Variants in DGKD observed in about 807,000 individuals in gnomAD.
DGKD encodes diacylglycerol kinase delta.
In DGKD, 68 loss-of-function variants were observed where a neutral mutation model predicts 154.4. The ratio of observed to expected loss-of-function variants is 0.44; its 90% CI spans 0.36 to 0.54. The LOEUF (loss-of-function observed/expected upper bound fraction) is 0.54. DGKD is among the 20% of genes least tolerant of loss of function. The probability of loss-of-function intolerance (pLI) is 0.00; values close to 1 mark genes in which losing one functional copy is unlikely to be tolerated. For synonymous variants in DGKD, 693 were observed against 638.0 expected (o/e 1.09, Z -1.30); for missense variants, 1,343 against 1,593.6 (o/e 0.84, Z 2.68).
intron 3 of DGKD, among the ~76,000 whole-genome samples, chr2:233,398,955 G>C (rs1446877834): frequency 6.6e-6 from 1 of 152,080 alleles, no homozygotes; most frequent in East Asian, 1.9e-4. Flanking sequence ...CTAGAGCTGT[G>C]GAACACTACA....
intron 5 of DGKD, among the ~76,000 whole-genome samples, chr2:233,435,217 G>A (rs931062933): frequency 3.9e-5 from 6 of 152,284 alleles, no homozygotes; most frequent in Middle Eastern, 3.4e-3. Context: ...CTCTGCAGCC[G>A]GGGAAACGGG....
At chr2:233,366,733 G>A (rs917927869) in intron 1 of DGKD, among the ~76,000 whole-genome samples, 13 of 152,212 alleles carry the variant, frequency 8.5e-5, no homozygotes, top group Admixed American at 3.3e-4. Flanking sequence ...AGTGAGGATG[G>A]TTCATCTGAG....
intron 3 of DGKD, chr2:233,429,093 T>C: frequency 3.1e-6 from 3 of 982,060 alleles, no homozygotes; most frequent in Non-Finnish European, 3.6e-6. Flanking sequence ...GCAATTCTAG[T>C]ACACCCTCTC....
At position 233,437,453 on chromosome 2, in the gene DGKD, C is replaced by T. The variant is rs758673209; in HGVS notation, c.896C>T (p.Thr299Met). Residue 299 changes from threonine to methionine, a missense_variant, in exon 8 of 30, where the codon ACG becomes ATG. Coordinates refer to ENST00000264057, the MANE Select transcript of DGKD (RefSeq NM_152879.3). Reference protein sequence around the residue: ...GLCKVSVIPPTALNSIDSDGF... With the variant: ...GLCKVSVIPPMALNSIDSDGF... ...TGCAAAGTGTCAGTCATCCCACCCA[C>T]GGCTCTCAACAGCATCGACTCCGAT... 8 of 1,614,116 alleles carry T rather than the reference C, an allele frequency of 5.0e-6. No homozygotes were observed. The highest frequency in any genetic ancestry group is 2.7e-5 in the African/African-American group (2 of 74,948).
At position 233,458,923 on chromosome 2, in the gene DGKD, C is replaced by A. The variant is rs971197122; in HGVS notation, c.2694+526C>A. Among the ~76,000 whole-genome samples, 2 of 152,180 alleles carry A rather than the reference C, an allele frequency of 1.3e-5. No homozygotes were observed. The highest frequency in any genetic ancestry group is 4.8e-5 in the African/African-American group (2 of 41,452). On this transcript the variant is annotated intron_variant, in intron 22 of 29. Coordinates refer to ENST00000264057, the MANE Select transcript of DGKD (RefSeq NM_152879.3). This position sits in a 1 kb window ranked among gnomAD's most constrained non-coding sequence, Gnocchi z 6.6. The stretch of plus-strand genomic sequence containing the variant: ...TAACTCTTTCAAAATGTGTATCCTG[C>A]TTGAACCACAGCCTTGCCTGTCCCC...
chr2:233,458,655 A>T lies in DGKD; in HGVS notation c.2694+258A>T, dbSNP rs187476261. ...GAGACAGAGTCTTGCTCTGTTGCCCAGGCTGGAGTGCAGTGGTGCAATCTC... is the reference window on the plus strand; with the variant it reads ...GAGACAGAGTCTTGCTCTGTTGCCCTGGCTGGAGTGCAGTGGTGCAATCTC... On this transcript the variant is annotated intron_variant, in intron 22 of 29. Transcript: ENST00000264057. The surrounding 1 kb of genome is among the most constrained non-coding windows in gnomAD (Gnocchi z 6.6). Among the ~76,000 whole-genome samples the T allele has an allele frequency of 6.8e-6, 1 of 146,630 alleles. No homozygotes were observed. Among genetic ancestry groups the T allele is most frequent in the African/African-American group, 2.5e-5 (1 of 39,522 alleles).
rs923093521 is a variant in DGKD, at chr2:233,449,431, C to T, written c.1888+55C>T. ...TCCTCAGGCCAGCACTGGGCATGCC[C>T]AGCGTCCCCTGAACACGGAGATGAC... is the stretch of plus-strand genomic sequence containing the variant. On this transcript the variant is annotated intron_variant, in intron 15 of 29. Coordinates refer to ENST00000264057, the MANE Select transcript of DGKD (RefSeq NM_152879.3). This position sits in a 1 kb window ranked among gnomAD's most constrained non-coding sequence, Gnocchi z 5.3. The T allele has an allele frequency of 3.2e-6, 5 of 1,542,994 alleles. No individual in the cohort carries two copies. The highest frequency in any genetic ancestry group is 4.4e-6 in the Non-Finnish European group (5 of 1,139,298).
chr2:233,429,350 C>G, intron 3 of DGKD: 1 of 982,866 alleles, frequency 1.0e-6, no homozygotes, highest in Non-Finnish European at 1.2e-6. Flanking sequence ...CAAAAGTGTT[C>G]AAATATTAAA....
intron 3 of DGKD, among the ~76,000 whole-genome samples, chr2:233,397,005 A>G (rs1704107548): frequency 4.0e-5 from 1 of 25,028 alleles, no homozygotes; most frequent in Non-Finnish European, 6.7e-5. Flanking sequence ...TCCAGAGGGG[A>G]CCAGGGTGGC....
chr2:233,443,372 G>C (rs2062960918), intron 10 of DGKD, among the ~76,000 whole-genome samples: 1 of 151,954 alleles, frequency 6.6e-6, no homozygotes, highest in Non-Finnish European at 1.5e-5. Context: ...AAAAATGGGT[G>C]TGTGAGGATT....
chr2:233,437,884 C>G (rs569576446), intron 8 of DGKD, among the ~76,000 whole-genome samples: 5 of 152,218 alleles, frequency 3.3e-5, no homozygotes, highest in Non-Finnish European at 7.3e-5. Flanking sequence ...TGCAGCTGCT[C>G]TCATGTCTGG....
intron 1 of DGKD, among the ~76,000 whole-genome samples, chr2:233,383,656 G>A (rs1045074339): frequency 1.7e-4 from 26 of 152,300 alleles, no homozygotes; most frequent in African/African-American, 5.5e-4. Flanking sequence ...CGCGTGTGGT[G>A]TCCTTGGCTA....
At chr2:233,366,038 T>A (rs1702010380) in intron 1 of DGKD, among the ~76,000 whole-genome samples, 1 of 152,018 alleles carries the variant, frequency 6.6e-6, no homozygotes, top group Admixed American at 6.6e-5. Context: ...ATCAAAGAGG[T>A]ATGCAAAGGC....
At chr2:233,394,175 A>G (rs919614791) in intron 3 of DGKD, among the ~76,000 whole-genome samples, 1 of 152,200 alleles carries the variant, frequency 6.6e-6, no homozygotes, top group African/African-American at 2.4e-5. Flanking sequence ...AAGCGTGTAA[A>G]TATTTAAAAA....
chr2:233,368,256 C>T (rs1287265614), intron 1 of DGKD, among the ~76,000 whole-genome samples: 1 of 152,046 alleles, frequency 6.6e-6, no homozygotes, highest in African/African-American at 2.4e-5. Context: ...TGCCTGTAAT[C>T]TCAGCACTTT....
At position 233,359,982 on chromosome 2, in the gene DGKD, A is replaced by C. The variant is rs370857417; in HGVS notation, c.156+5308A>C. Among the ~76,000 whole-genome samples the C allele has an allele frequency of 2.6e-5, 4 of 152,314 alleles. No individual in the cohort carries two copies. The South Asian group carries it at 8.3e-4, about 32-fold the overall frequency. On this transcript the variant is annotated intron_variant, in intron 1 of 29. Coordinates refer to ENST00000264057, the MANE Select transcript of DGKD (RefSeq NM_152879.3). ...GAGGCAGTGACTGGCTGGGTCTGGA[A>C]GGTGAGTAGGGAGCAGTGCCTTCTG...
intron 24 of DGKD, among the ~76,000 whole-genome samples, chr2:233,461,151 G>A (rs1037297405): frequency 2.6e-5 from 4 of 152,208 alleles, no homozygotes; most frequent in Admixed American, 6.5e-5. Context: ...CGCCCGCCAG[G>A]TGCGGGTTCC....
Position 233,458,249 on chromosome 2 carries a change from T to G in DGKD, c.2581-35T>G. Reference sequence around the variant, plus strand: ...GGGGCGGCCTGTGCTCGGGGATGTGTGGAGTGGTGGTCAGCTCTAACGTGT... The same window carrying G: ...GGGGCGGCCTGTGCTCGGGGATGTGGGGAGTGGTGGTCAGCTCTAACGTGT... On this transcript the variant is annotated intron_variant, in intron 21 of 29. Coordinates refer to ENST00000264057, the MANE Select transcript of DGKD (RefSeq NM_152879.3). This position sits in a 1 kb window ranked among gnomAD's most constrained non-coding sequence, Gnocchi z 6.6. 1.4e-6 allele frequency: 2 copies of G among 1,434,096 alleles called. No individual in the cohort carries two copies. The highest frequency in any genetic ancestry group is 9.8e-7 in the Non-Finnish European group (1 of 1,020,824). 88.8% of individuals were successfully genotyped at this position (1,434,096 alleles called of 1,614,324 possible). A position where few individuals can be genotyped will look rare whatever the true frequency, so the allele number is the denominator to read the frequency against.
chr2:233,435,369 G>A (rs1288036609), intron 5 of DGKD, among the ~76,000 whole-genome samples: 1 of 152,200 alleles, frequency 6.6e-6, no homozygotes, highest in African/African-American at 2.4e-5. Flanking sequence ...CCCTGCCTCT[G>A]CCTGTTTTTG....
Sources: allele counts gnomAD v4.1 joint callset (sites outside exome capture counted in the v4.1 genomes callset), GRCh38; gene constraint gnomAD v4.1.1; non-coding constraint Gnocchi (gnomAD v3.1); transcripts MANE v1.5; gene names NCBI Gene and HGNC (gene_info 2026-07-23, HGNC 2026-07-21).